EOLA1: variants seen among roughly 807,000 people sequenced by gnomAD.
The protein encoded by EOLA1 is protein EOLA1.
In EOLA1, 1 loss-of-function variant was observed where a neutral mutation model predicts 4.5. The ratio of observed to expected loss-of-function variants is 0.22; its 90% CI spans 0.08 to 1.05. EOLA1 has a LOEUF of 1.05. EOLA1 is among the 50% of genes least tolerant of loss of function. EOLA1 has a pLI of 0.57. For missense variants in EOLA1, 69 were observed against 127.2 expected, an observed-to-expected ratio of 0.54 and a Z score of 2.20; for synonymous variants, 37 against 52.3, an observed-to-expected ratio of 0.71 and a Z score of 1.26.
chrX:149,544,702 G>C (rs573255), intron 2 of EOLA1: 70,532 of 749,656 alleles, frequency 0.094, 4,396 homozygotes, highest in African/African-American at 0.4. Context: ...TCCCAAGCCA[G>C]ACACGCAGGA....
Position 149,543,848 on chromosome X carries a change from T to C in EOLA1, c.-162-1520T>C, listed in dbSNP as rs2089779182. ...AGCAGGACGGTGAGCAACGTGGGGG[T>C]CCCAGAAGGAGGGAAGGAGTGTGCC... On this transcript the variant is annotated intron_variant, in intron 2 of 4. Coordinates refer to ENST00000393985, the MANE Select transcript of EOLA1 (RefSeq NM_001171907.3). 3.5e-5 allele frequency among the ~76,000 whole-genome samples: 3 copies of C among 86,007 alleles called. 1 individual carries two copies. Among genetic ancestry groups the C allele is most frequent in the African/African-American group, 1.4e-4 (3 of 21,507 alleles). The allele number at this position is 86,007 out of a possible 115,157, so 74.7% of individuals were successfully genotyped here. A position where few individuals can be genotyped will look rare whatever the true frequency, so the allele number is the denominator to read the frequency against.
At position 149,547,072 on chromosome X, in the gene EOLA1, C is replaced by T. The variant is rs1465882813; in HGVS notation, c.*110C>T. 2.6e-6 allele frequency: 3 copies of T among 1,151,426 alleles called. No individual in the cohort carries two copies. Among genetic ancestry groups the T allele is most frequent in the African/African-American group, 3.6e-5 (2 of 55,702 alleles). 94.9% of individuals were successfully genotyped at this position (1,151,426 alleles called of 1,213,427 possible). ...ATACATTAGGTTAAATCTGAATTTC[C>T]ACTGCTTTGGAGAGTCCCACCCACT... On this transcript the variant is annotated 3_prime_UTR_variant, in exon 5 of 5. Transcript: ENST00000393985.
chrX:149,545,607 G>T lies in EOLA1; in HGVS notation c.-24G>T, dbSNP rs782014635. On this transcript the variant is annotated 5_prime_UTR_variant, in exon 4 of 5. Coordinates refer to ENST00000393985, the MANE Select transcript of EOLA1 (RefSeq NM_001171907.3). ...GCGCTTCTGTGCTTCCGCAGGCTAC[G>T]GGAGGCCCGGGGCGCTTGCGAAGAT... 8.3e-7 allele frequency: 1 copy of T among 1,198,947 alleles called. No individual in the cohort carries two copies. Among genetic ancestry groups the T allele is most frequent in the Middle Eastern group, 2.3e-4 (1 of 4,290 alleles).
chrX:149,549,481 A>G, downstream of EOLA1: 8 of 1,155,144 alleles, frequency 6.9e-6, no homozygotes, highest in Non-Finnish European at 9.2e-6. Context: ...TCCTCTCTGC[A>G]CCTTTCCGTT....
intron 1 of EOLA1, chrX:149,541,690 C>T (rs1177783007): frequency 9.0e-5 from 54 of 597,470 alleles, no homozygotes; most frequent in African/African-American, 9.9e-5. Flanking sequence ...AACACTCGCC[C>T]CGTGACAATG....
At position 149,541,242 on chromosome X, in the gene EOLA1, A is replaced by G. The variant is rs1373345800; in HGVS notation, c.-331A>G. ...CCGGAGTCGGCCCTAGACACCCACG[A>G]CTCGCAGGGTCCATGGTTCCGGAGG... On this transcript the variant is annotated 5_prime_UTR_variant, in exon 1 of 5. Transcript: ENST00000393985. 5.4e-5 allele frequency: 6 copies of G among 111,813 alleles called. No homozygotes were observed. Among genetic ancestry groups the G allele is most frequent in the Admixed American group, 4.7e-4 (5 of 10,559 alleles). 9.2% of individuals were successfully genotyped at this position (111,813 alleles called of 1,213,427 possible). A position where few individuals can be genotyped will look rare whatever the true frequency, so the allele number is the denominator to read the frequency against.
At chrX:149,549,203 A>C (rs2089894393), downstream of EOLA1, among the ~76,000 whole-genome samples, 1 of 112,167 alleles carries the variant, frequency 8.9e-6, no homozygotes, top group Admixed American at 9.3e-5. Context: ...ATCAAAATCC[A>C]TACTTTTTAA....
chrX:149,545,479 A>T lies in EOLA1; in HGVS notation c.-51A>T. 1.8e-6 allele frequency: 2 copies of T among 1,110,230 alleles called. No individual in the cohort carries two copies. Among genetic ancestry groups the T allele is most frequent in the Non-Finnish European group, 2.4e-6 (2 of 846,165 alleles). 91.5% of individuals were successfully genotyped at this position (1,110,230 alleles called of 1,213,427 possible). The stretch of plus-strand genomic sequence containing the variant: ...CTGTGGTGCTGGACATCAGTGACAG[A>T]CGGAAGCAGGAGACCATCAAGGTCA... On this transcript the variant is annotated 5_prime_UTR_variant, in exon 3 of 5. Transcript: ENST00000393985.
intron 3 of EOLA1, 50 bp downstream of exon 3, chrX:149,545,550 C>T (rs1389829069): frequency 1.7e-6 from 2 of 1,172,623 alleles, no homozygotes; most frequent in African/African-American, 3.5e-5. Context: ...GGTCAGGCCA[C>T]TGCCCATGAG....
At chrX:149,545,907 G>A (rs1174858234) in intron 4 of EOLA1, 24 bp downstream of exon 4, 17 of 1,189,732 alleles carry the variant, frequency 1.4e-5, no homozygotes, top group Middle Eastern at 2.3e-4. Context: ...TACCAAATGC[G>A]CAGACAACGC....
Position 149,546,787 on chromosome X carries a change from C to A in EOLA1, c.302C>A (p.Pro101His). The A allele has an allele frequency of 8.3e-7, 1 of 1,210,638 alleles. No individual in the cohort carries two copies. Among genetic ancestry groups the A allele is most frequent in the South Asian group, 1.8e-5 (1 of 56,858 alleles). ...ETLQCPEDLT[P>H]DEVVELENQA... is the part of the protein sequence containing the mutation. Reference sequence around the variant, plus strand: ...TTGCAATGCCCCGAAGACTTAACTCCCGATGAGGTTGTGGAACTAGAAAAT... The same window carrying A: ...TTGCAATGCCCCGAAGACTTAACTCACGATGAGGTTGTGGAACTAGAAAAT... The change falls in exon 5 of 5, where the codon CCC becomes CAC. Residue 101 changes from proline (P) to histidine (H), a missense_variant. Physicochemically the swap from Pro to His is moderately conservative, Grantham distance 77 (BLOSUM62 -2). Coordinates refer to ENST00000393985, the MANE Select transcript of EOLA1 (RefSeq NM_001171907.3).
chrX:149,545,323 G>T (rs2089819094), intron 2 of EOLA1, 45 bp from the exon 3 acceptor site: 1 of 999,545 alleles, frequency 1.0e-6, no homozygotes, highest in Admixed American at 4.4e-5. Context: ...GGTGACCTCT[G>T]TCATAGCACT....
At chrX:149,549,823 A>G, downstream of EOLA1, 1 of 301,038 alleles carries the variant, frequency 3.3e-6, no homozygotes, top group Non-Finnish European at 5.4e-6. Context: ...GCTTGGCTTC[A>G]TATTCCTGTT....
chrX:149,545,463 T>C lies in EOLA1; in HGVS notation c.-67T>C. 5.5e-6 allele frequency: 6 copies of C among 1,100,289 alleles called. No homozygotes were observed. The highest frequency in any genetic ancestry group is 7.1e-6 in the Non-Finnish European group (6 of 841,968). 90.7% of individuals were successfully genotyped at this position (1,100,289 alleles called of 1,213,427 possible). On this transcript the variant is annotated 5_prime_UTR_variant, in exon 3 of 5. Transcript: ENST00000393985. The stretch of plus-strand genomic sequence containing the variant: ...CCTTCCCTTGGGCCTGCTGTGGTGC[T>C]GGACATCAGTGACAGACGGAAGCAG...
rs2089877794 is a variant in EOLA1, at chrX:149,547,791, T to C, written c.*829T>C. 1 of 134,446 alleles carries C rather than the reference T, an allele frequency of 7.4e-6. No individual in the cohort carries two copies. The highest frequency in any genetic ancestry group is 1.1e-5 in the Non-Finnish European group (1 of 91,489). 11.1% of individuals were successfully genotyped at this position (134,446 alleles called of 1,213,427 possible). ...GGCCCTTCTCTTCTGAGCCAGGATG[T>C]TATGGTGGTTGTACATCCCATGGCA... On this transcript the variant is annotated 3_prime_UTR_variant, in exon 5 of 5. Transcript: ENST00000393985.
rs368932248 is a variant in EOLA1, at chrX:149,545,584, G to A, written c.-29-18G>A. ...AGCTTGGAGGGCTGGCGTGTGATGCGCTTCTGTGCTTCCGCAGGCTACGGG... is the reference window on the plus strand; with the variant it reads ...AGCTTGGAGGGCTGGCGTGTGATGCACTTCTGTGCTTCCGCAGGCTACGGG... On this transcript the variant is annotated intron_variant, in intron 3 of 4. Coordinates refer to ENST00000393985, the MANE Select transcript of EOLA1 (RefSeq NM_001171907.3). The A allele has an allele frequency of 1.0e-5, 12 of 1,188,713 alleles. No individual in the cohort carries two copies. The African/African-American group carries it at 1.4e-4, about 14-fold the overall frequency.
Position 149,547,969 on chromosome X carries a change from G to A in EOLA1, c.*1007G>A, listed in dbSNP as rs1361239418. Reference sequence around the variant, plus strand: ...TTTGAAGATACAGGAAGATATTGCCGGAATCAGGCGTCTATTCTTTCTCCT... The same window carrying A: ...TTTGAAGATACAGGAAGATATTGCCAGAATCAGGCGTCTATTCTTTCTCCT... On this transcript the variant is annotated 3_prime_UTR_variant, in exon 5 of 5. Transcript: ENST00000393985. 2.1e-5 allele frequency among the ~76,000 whole-genome samples: 2 copies of A among 96,985 alleles called. No individual in the cohort carries two copies. Among genetic ancestry groups the A allele is most frequent in the African/African-American group, 4.0e-5 (1 of 25,316 alleles). 84.2% of individuals were successfully genotyped at this position (96,985 alleles called of 115,157 possible). A position where few individuals can be genotyped will look rare whatever the true frequency, so the allele number is the denominator to read the frequency against.
At chrX:149,544,561 T>C in intron 2 of EOLA1, 2 of 750,913 alleles carry the variant, frequency 2.7e-6, no homozygotes, top group Non-Finnish European at 3.1e-6. Context: ...TGGTGCCTTA[T>C]CTCCCTTCCT....
At position 149,547,113 on chromosome X, in the gene EOLA1, A is replaced by G. The variant is rs2089865523; in HGVS notation, c.*151A>G. ...CCCACCCACTAAGCACTGTGCATGT[A>G]AACAGGTTCCTTTGCTCAGATGAAG... On this transcript the variant is annotated 3_prime_UTR_variant, in exon 5 of 5. Coordinates refer to ENST00000393985, the MANE Select transcript of EOLA1 (RefSeq NM_001171907.3). 9.2e-7 allele frequency: 1 copy of G among 1,083,247 alleles called. No homozygotes were observed. The highest frequency in any genetic ancestry group is 1.9e-5 in the African/African-American group (1 of 52,360). The allele number at this position is 1,083,247 out of a possible 1,213,427, so 89.3% of individuals were successfully genotyped here.
Sources: gnomAD v4.1 joint callset for allele counts (sites outside exome capture counted in the v4.1 genomes callset) on GRCh38, gnomAD v4.1.1 for gene constraint, MANE v1.5 for transcripts, NCBI Gene and HGNC (gene_info 2026-07-23, HGNC 2026-07-21) for gene names.